FAM170A: variants seen among roughly 807,000 people sequenced by gnomAD.
The protein encoded by FAM170A is family with sequence similarity 170 member A.
Under a neutral mutation model 36.6 loss-of-function variants are expected in FAM170A, and 28 were observed. The ratio of observed to expected loss-of-function variants is 0.76; its 90% confidence interval spans 0.57 to 1.05. FAM170A has a LOEUF of 1.05. FAM170A is among the 50% of genes least tolerant of loss of function. FAM170A has a pLI of 0.00. For synonymous variants in FAM170A, 156 were observed against 143.9 expected (o/e 1.08, Z -0.60); for missense variants, 434 against 396.5 (o/e 1.09, Z -0.80).
chr5:119,631,731 A>AGT (rs145006346), intron 1 of FAM170A, among the ~76,000 whole-genome samples: 5,258 of 151,552 alleles, frequency 0.035, 284 homozygotes, highest in African/African-American at 0.12. Context: ...GTGTGTGGGG[A>AGT]GTGTGTGTGT....
intron 1 of FAM170A, among the ~76,000 whole-genome samples, chr5:119,630,321 A>ATTTTTTTTT (rs10603530): frequency 5.3e-4 from 63 of 118,364 alleles, no homozygotes; most frequent in Non-Finnish European, 6.8e-4. Flanking sequence ...CGCCTGGCTA[A>ATTTTTTTTT]TTTTTTTTTT....
chr5:119,633,836 A>C, intron 2 of FAM170A, 124 bp from the exon 3 acceptor site: 1 of 1,255,990 alleles, frequency 8.0e-7, no homozygotes, highest in Non-Finnish European at 1.1e-6. Context: ...ACAAATACCA[A>C]GCTCACTACA....
In FAM170A at chr5:119,632,914, C is replaced by T. The variant is rs374837933; in HGVS notation, c.211+26C>T. The T allele has an allele frequency of 1.3e-5, 20 of 1,553,726 alleles. No individual in the cohort carries two copies. In the South Asian group the frequency reaches 1.3e-4, roughly 10 times the overall value. On this transcript the variant is annotated intron_variant, in intron 2 of 4. Transcript: ENST00000613773. ...GTAAGGGTGCAGGGTTCCTTCGGCA[C>T]GTGGCTCCTTGGCTGTGGGGTTCAT...
At chr5:119,633,527 G>T (rs991877794) in intron 2 of FAM170A, among the ~76,000 whole-genome samples, 3 of 151,972 alleles carry the variant, frequency 2.0e-5, no homozygotes, top group Non-Finnish European at 4.4e-5. Context: ...ACTGCAGCGG[G>T]ACTCTAGCTC....
Position 119,634,178 on chromosome 5 carries a change from G to T in FAM170A, c.430G>T (p.Glu144Ter). The change falls in exon 3 of 5, where the codon GAG (glutamate) becomes TAG (stop). Residue 144 changes from glutamate (E) to a stop codon, truncating the protein, a stop_gained. Coordinates refer to ENST00000613773, the Ensembl canonical transcript of FAM170A. LOFTEE classifies it high-confidence loss of function. ...GAACAAAGGTGTGGCTGTCTCCTGGGAGACAGAGGAAACTTTGGAGTCCTT... is the reference window on the plus strand; with the variant it reads ...GAACAAAGGTGTGGCTGTCTCCTGGTAGACAGAGGAAACTTTGGAGTCCTT... 1 of 1,614,224 alleles carries T rather than the reference G, an allele frequency of 6.2e-7. No homozygotes were observed. The highest frequency in any genetic ancestry group is 8.5e-7 in the Non-Finnish European group (1 of 1,180,050).
chr5:119,633,800 A>G (rs117499518), intron 2 of FAM170A, among the ~76,000 whole-genome samples, 160 bp from the exon 3 acceptor site: 1 of 152,264 alleles, frequency 6.6e-6, no homozygotes, highest in East Asian at 1.9e-4. Context: ...AAATGACACT[A>G]GAATCACTAC....
exon 2 of FAM170A, chr5:119,632,771 G>A (rs199949575): frequency 1.2e-6 from 2 of 1,606,774 alleles, no homozygotes; most frequent in Non-Finnish European, 1.7e-6. Flanking sequence ...CCAAGAGGAT[G>A]CCCTGCAGCC....
At chr5:119,635,110 TCTGAGG>T in intron 4 of FAM170A, 24 bp downstream of exon 4, 1 of 1,549,324 alleles carries the variant, frequency 6.5e-7, no homozygotes, top group Non-Finnish European at 8.9e-7. Context: ...CTTGCAGTTT[TCTGAGG>T]CTGTGTTGTG....
rs167886 is a variant in FAM170A at position 119,630,362 on chromosome 5, A to G, written c.70+524A>G. 1.4e-3 allele frequency among the ~76,000 whole-genome samples: 172 copies of G among 122,480 alleles called. No homozygotes were observed. The Middle Eastern group carries it at 0.023, about 17-fold the overall frequency. The allele number at this position is 122,480 out of a possible 152,430, so 80.4% of individuals were successfully genotyped here. On this transcript the variant is annotated intron_variant, in intron 1 of 4. Coordinates refer to ENST00000613773, the Ensembl canonical transcript of FAM170A. ...TTTTTTTTGTATTTGTAGTAGAGAC[A>G]GGGTTTCACCGTGTTAGCCAGGATG...
intron 3 of FAM170A, 101 bp from the exon 4 acceptor site, chr5:119,634,927 C>T: frequency 2.7e-6 from 4 of 1,470,550 alleles, no homozygotes; most frequent in East Asian, 2.3e-5. Flanking sequence ...GATTGTAAGT[C>T]AGGATTTGTC....
intron 2 of FAM170A, 55 bp from the exon 3 acceptor site, chr5:119,633,905 C>T: frequency 6.4e-7 from 1 of 1,559,908 alleles, no homozygotes; most frequent in South Asian, 1.2e-5. Context: ...CTTACGTTCC[C>T]TCAGCTCCTA....
At chr5:119,632,865 C>T in exon 2 of FAM170A, 2 of 1,610,610 alleles carry the variant, frequency 1.2e-6, no homozygotes, top group South Asian at 1.1e-5. Context: ...TGCGTTTCTT[C>T]TTCACGCAAG....
exon 3 of FAM170A, chr5:119,634,213 G>A: frequency 1.2e-6 from 2 of 1,614,222 alleles, no homozygotes; most frequent in Middle Eastern, 1.6e-4. Flanking sequence ...TAGAAAAGCA[G>A]CCAAGGATGG....
chr5:119,629,786 G>C, exon 1 of FAM170A: 1 of 1,613,662 alleles, frequency 6.2e-7, no homozygotes, highest in South Asian at 1.1e-5. Context: ...GACGACAAAA[G>C]AGGAAACATT....
At chr5:119,632,173 ATATACT>A (rs1756267784) in intron 1 of FAM170A, among the ~76,000 whole-genome samples, 2 of 152,308 alleles carry the variant, frequency 1.3e-5, no homozygotes, top group Middle Eastern at 6.8e-3. Context: ...CTGACCTATG[ATATACT>A]TATATATTTC....
exon 3 of FAM170A, chr5:119,634,446 G>A: frequency 6.2e-7 from 1 of 1,614,182 alleles, no homozygotes; most frequent in East Asian, 2.2e-5. Context: ...TGCATGGCCT[G>A]CTGCCGGGTG....
intron 2 of FAM170A, among the ~76,000 whole-genome samples, chr5:119,633,124 A>G (rs921468931): frequency 8.6e-5 from 13 of 151,960 alleles, no homozygotes; most frequent in African/African-American, 3.1e-4. Context: ...CTTGAGCATG[A>G]GACTCTGGAT....
intron 1 of FAM170A, among the ~76,000 whole-genome samples, chr5:119,631,391 G>A (rs328702): frequency 0.41 from 62,240 of 151,960 alleles, 12,921 homozygotes; most frequent in East Asian, 0.51. Context: ...TTGTCTGCCT[G>A]TGTGTGTGTC....
intron 1 of FAM170A, among the ~76,000 whole-genome samples, chr5:119,632,140 G>A (rs1756267139): frequency 6.6e-6 from 1 of 152,118 alleles, no homozygotes; most frequent in East Asian, 1.9e-4. Context: ...TAAATCTGAT[G>A]ACCCTTATAA....
Sources: gnomAD v4.1 joint callset for allele counts (sites outside exome capture counted in the v4.1 genomes callset) on GRCh38, gnomAD v4.1.1 for gene constraint, MANE v1.5 for transcripts, NCBI Gene and HGNC (gene_info 2026-07-23, HGNC 2026-07-21) for gene names.